The following PDE4D variants were observed in gnomAD, a reference collection of about 807,000 sequenced individuals.
PDE4D encodes the protein phosphodiesterase 4D.
Under a neutral mutation model 87.4 loss-of-function variants are expected in PDE4D, and 24 were observed. The observed-to-expected ratio is 0.27, with a 90% CI of 0.20 to 0.39. PDE4D has a LOEUF of 0.39. PDE4D is among the 10% of genes least tolerant of loss of function. The probability of loss-of-function intolerance (pLI) is 1.00; values close to 1 mark genes in which losing one functional copy is unlikely to be tolerated. For missense variants in PDE4D, 714 were observed against 1,041.0 expected, an observed-to-expected ratio of 0.69 and a Z score of 4.32; for synonymous variants, 384 against 383.2, an observed-to-expected ratio of 1.00 and a Z score of -0.02.
intron 5 of PDE4D, among the ~76,000 whole-genome samples, chr5:59,057,101 G>A (rs971708204): frequency 5.3e-5 from 8 of 152,108 alleles, no homozygotes; most frequent in Non-Finnish European, 1.2e-4. Flanking sequence ...TCTCCTTCAC[G>A]GAAACCTGGC....
At chr5:60,379,037 A>G (rs1396002642) in intron 1 of PDE4D, among the ~76,000 whole-genome samples, 1 of 152,142 alleles carries the variant, frequency 6.6e-6, no homozygotes, top group African/African-American at 2.4e-5. Flanking sequence ...AAGGTCCTAC[A>G]TACATGGTTA....
At chr5:60,178,307 T>C (rs1050576886) in intron 2 of PDE4D, among the ~76,000 whole-genome samples, 41 of 152,138 alleles carry the variant, frequency 2.7e-4, no homozygotes, top group Non-Finnish European at 4.6e-4. Context: ...TCAAAACATG[T>C]AAATGCTTTC....
chr5:59,395,714 A>AGCAACG (rs1789274516), intron 1 of PDE4D, among the ~76,000 whole-genome samples: 1 of 124,204 alleles, frequency 8.1e-6, no homozygotes, highest in African/African-American at 3.2e-5. Flanking sequence ...CACCAGCAAC[A>AGCAACG]GAACAAAGCT....
At chr5:59,104,875 C>T (rs1771333641) in intron 5 of PDE4D, among the ~76,000 whole-genome samples, 1 of 152,176 alleles carries the variant, frequency 6.6e-6, no homozygotes, top group African/African-American at 2.4e-5. Context: ...CTGTTTACTG[C>T]AAACATAAGG....
chr5:59,296,151 T>G (rs1769050566), intron 1 of PDE4D, among the ~76,000 whole-genome samples: 1 of 152,170 alleles, frequency 6.6e-6, no homozygotes, highest in Admixed American at 6.6e-5. Flanking sequence ...TTAGCCATTG[T>G]TTGGGACATA....
chr5:59,293,962 C>T (rs919565376), intron 1 of PDE4D, among the ~76,000 whole-genome samples: 5 of 152,160 alleles, frequency 3.3e-5, no homozygotes, highest in African/African-American at 7.2e-5. Flanking sequence ...GTGAATTAGA[C>T]GTATAAGCAG....
chr5:60,208,613 C>T (rs1742823902), intron 1 of PDE4D, among the ~76,000 whole-genome samples: 1 of 152,184 alleles, frequency 6.6e-6, no homozygotes, highest in African/African-American at 2.4e-5. Context: ...GGTATGCTTT[C>T]CCGCCAGTGC....
chr5:59,585,503 T>G (rs1201027315), intron 1 of PDE4D, among the ~76,000 whole-genome samples: 2 of 152,198 alleles, frequency 1.3e-5, no homozygotes, highest in African/African-American at 4.8e-5. Context: ...CATGTGCCTT[T>G]ATTATGCATT....
At chr5:59,209,213 T>TCTCA (rs1235043699) in intron 2 of PDE4D, among the ~76,000 whole-genome samples, 4 of 151,962 alleles carry the variant, frequency 2.6e-5, no homozygotes, top group Non-Finnish European at 5.9e-5. Context: ...TGAGGCAGGG[T>TCTCA]CTCACTCTGT....
chr5:60,050,791 A>G (rs752418592), intron 2 of PDE4D, among the ~76,000 whole-genome samples: 3 of 152,224 alleles, frequency 2.0e-5, no homozygotes, highest in Non-Finnish European at 4.4e-5. Context: ...CAGGAGACCA[A>G]TCTCACGTGC....
At chr5:59,819,909 C>T (rs949914650) in intron 1 of PDE4D, among the ~76,000 whole-genome samples, 1 of 152,124 alleles carries the variant, frequency 6.6e-6, no homozygotes, top group Non-Finnish European at 1.5e-5. Flanking sequence ...ACAACAGAGG[C>T]GTTTTGAAAA....
chr5:59,039,068 T>G, intron 5 of PDE4D, 97 bp from the exon 6 acceptor site: 1 of 1,497,700 alleles, frequency 6.7e-7, no homozygotes, highest in Non-Finnish European at 8.9e-7. Context: ...CCCGCCATGC[T>G]CGGATGCCCG....
chr5:58,987,963 G>A (rs1023780688), intron 11 of PDE4D, among the ~76,000 whole-genome samples: 1 of 151,986 alleles, frequency 6.6e-6, no homozygotes, highest in African/African-American at 2.4e-5. Context: ...ATTCAGTGAT[G>A]ACTTCTTATA....
At chr5:59,768,167 C>T (rs1484446328) in intron 1 of PDE4D, 14 of 1,525,634 alleles carry the variant, frequency 9.2e-6, no homozygotes, top group Non-Finnish European at 1.2e-5. Context: ...TCCCTCCCTA[C>T]CCCCAAAATT....
intron 1 of PDE4D, among the ~76,000 whole-genome samples, chr5:60,395,156 A>G (rs1762802497): frequency 1.3e-5 from 2 of 152,168 alleles, no homozygotes; most frequent in East Asian, 1.9e-4. Context: ...GGTGATGCTG[A>G]GTTGCATAAA....
rs188231856 is a variant in PDE4D at position 59,864,752 on chromosome 5, C to T, written c.455+28416G>A. ...CTTTCACCCTTAGATGCCTGTGGAG[C>T]GTGCCCTTGGGATAACGATTACAGA... is the stretch of plus-strand genomic sequence containing the variant. On this transcript the variant is annotated intron_variant, in intron 1 of 14. Transcript: ENST00000340635. Among the ~76,000 whole-genome samples the T allele has an allele frequency of 1.8e-4, 27 of 152,208 alleles. 1 individual carries two copies. The East Asian group carries it at 4.1e-3, about 23-fold the overall frequency.
intron 3 of PDE4D, among the ~76,000 whole-genome samples, chr5:59,961,329 A>C (rs1581923059): frequency 6.6e-6 from 1 of 150,710 alleles, no homozygotes; most frequent in African/African-American, 2.4e-5. Context: ...CCACGAGAGG[A>C]CACAGGCAGA....
intron 1 of PDE4D, chr5:59,587,568 C>T (rs1014235234): frequency 2.0e-6 from 2 of 985,370 alleles, no homozygotes; most frequent in Non-Finnish European, 2.4e-6. Flanking sequence ...GGCTGTGCCG[C>T]CCCAGCTCTG....
At chr5:59,249,697 A>G (rs1759544094) in intron 1 of PDE4D, among the ~76,000 whole-genome samples, 1 of 152,218 alleles carries the variant, frequency 6.6e-6, no homozygotes, top group Non-Finnish European at 1.5e-5. Context: ...TTAAAACTGT[A>G]CAATCCAGGT....
Sources: allele counts gnomAD v4.1 joint callset (sites outside exome capture counted in the v4.1 genomes callset), GRCh38; gene constraint gnomAD v4.1.1; transcripts MANE v1.5; gene names NCBI Gene and HGNC (gene_info 2026-07-23, HGNC 2026-07-21).